The following GRM3 variants were observed in gnomAD, a reference collection of about 807,000 sequenced individuals.
GRM3 encodes the protein metabotropic glutamate receptor 3.
In GRM3, 26 loss-of-function variants were observed where a neutral mutation model predicts 70.5. That is an observed-to-expected ratio of 0.37 (90% CI 0.27 to 0.51). The LOEUF is 0.51. GRM3 is among the 20% of genes least tolerant of loss of function. The probability of loss-of-function intolerance (pLI) is 0.93; values close to 1 mark genes in which losing one functional copy is unlikely to be tolerated. For missense variants in GRM3, 859 were observed against 1,123.8 expected, an observed-to-expected ratio of 0.76 and a Z score of 3.37; for synonymous variants, 443 against 434.9, an observed-to-expected ratio of 1.02 and a Z score of -0.23.
chr7:86,665,994 C>A (rs1794015656), intron 1 of GRM3, among the ~76,000 whole-genome samples: 1 of 152,012 alleles, frequency 6.6e-6, no homozygotes, highest in Non-Finnish European at 1.5e-5. Flanking sequence ...TTCTTACCCT[C>A]TAATCATTTT....
At chr7:86,707,428 G>A (rs980234661) in intron 1 of GRM3, among the ~76,000 whole-genome samples, 3 of 152,180 alleles carry the variant, frequency 2.0e-5, no homozygotes, top group Middle Eastern at 3.4e-3. Context: ...GACAGAGAGT[G>A]TGGACTGTGG....
At chr7:86,708,405 G>A (rs1795108583) in intron 1 of GRM3, among the ~76,000 whole-genome samples, 1 of 152,220 alleles carries the variant, frequency 6.6e-6, no homozygotes, top group Non-Finnish European at 1.5e-5. Context: ...GAAGGCAGAT[G>A]AGAAGCAGCA....
chr7:86,666,785 T>C (rs1319170937), intron 1 of GRM3, among the ~76,000 whole-genome samples: 2 of 152,088 alleles, frequency 1.3e-5, no homozygotes, highest in Non-Finnish European at 2.9e-5. Context: ...AGGAAACTAA[T>C]TCGAGATGCA....
At chr7:86,819,073 G>A (rs774448410) in intron 3 of GRM3, among the ~76,000 whole-genome samples, 3 of 151,982 alleles carry the variant, frequency 2.0e-5, no homozygotes, top group Admixed American at 6.6e-5. Context: ...GTATCCCCAC[G>A]GAGTCCTGAC....
chr7:86,747,050 T>C (rs1232836351), intron 1 of GRM3, among the ~76,000 whole-genome samples: 4 of 152,120 alleles, frequency 2.6e-5, no homozygotes, highest in Non-Finnish European at 5.9e-5. Flanking sequence ...GGCTATTCAC[T>C]GCTCTAAGCA....
chr7:86,795,409 A>C (rs1454254872), intron 3 of GRM3, among the ~76,000 whole-genome samples: 1 of 151,886 alleles, frequency 6.6e-6, no homozygotes, highest in Non-Finnish European at 1.5e-5. Flanking sequence ...CGCATCATCT[A>C]GGTATTAAGC....
chr7:86,694,514 A>G (rs2116050352), intron 1 of GRM3, among the ~76,000 whole-genome samples: 1 of 138,782 alleles, frequency 7.2e-6, no homozygotes, highest in South Asian at 2.4e-4. Context: ...TCTGTCTCAA[A>G]AAAAAAAAAA....
At chr7:86,806,233 G>A (rs1002353408) in intron 3 of GRM3, among the ~76,000 whole-genome samples, 2 of 152,144 alleles carry the variant, frequency 1.3e-5, no homozygotes, top group African/African-American at 2.4e-5. Flanking sequence ...CTATATTGCA[G>A]CATGATTTAT....
intron 4 of GRM3, among the ~76,000 whole-genome samples, chr7:86,844,872 T>C (rs184159789): frequency 6.6e-6 from 1 of 152,134 alleles, no homozygotes; most frequent in Non-Finnish European, 1.5e-5. Context: ...AACACTTCTG[T>C]ACATTCCTTG....
intron 1 of GRM3, among the ~76,000 whole-genome samples, chr7:86,650,312 C>T (rs1180939040): frequency 6.6e-6 from 1 of 151,888 alleles, no homozygotes. Flanking sequence ...TATTCTAAGA[C>T]CTATTTTCTT....
intron 3 of GRM3, among the ~76,000 whole-genome samples, chr7:86,829,305 C>A (rs992237475): frequency 3.3e-5 from 5 of 152,212 alleles, no homozygotes; most frequent in Non-Finnish European, 2.9e-5. Context: ...TCTATCCAGA[C>A]AAGTAAAACT....
At chr7:86,813,102 C>A (rs1231801200) in intron 3 of GRM3, among the ~76,000 whole-genome samples, 2 of 151,708 alleles carry the variant, frequency 1.3e-5, no homozygotes, top group African/African-American at 4.8e-5. Flanking sequence ...TTTTAATCTT[C>A]TAATTTAAAA....
At chr7:86,672,637 T>C (rs1401234177) in intron 1 of GRM3, among the ~76,000 whole-genome samples, 1 of 152,054 alleles carries the variant, frequency 6.6e-6, no homozygotes, top group Non-Finnish European at 1.5e-5. Flanking sequence ...GCTGGCTCCC[T>C]TGTGGGGGAA....
rs1451399435 is a variant in GRM3, at chr7:86,786,170, T to A, written c.469-91T>A. On this transcript the variant is annotated intron_variant, in intron 2 of 5. Transcript: ENST00000361669. This position sits in a 1 kb window ranked among gnomAD's most constrained non-coding sequence, Gnocchi z 6.0. ...CATCTAGAGTAGAGGGAAAAGGGAG[T>A]CAGTAAAAGGTGTGGATGCTATTAT... 18 of 1,056,324 alleles carry A rather than the reference T, an allele frequency of 1.7e-5. No individual in the cohort carries two copies. Among genetic ancestry groups the A allele is most frequent in the Non-Finnish European group, 2.4e-5 (17 of 718,172 alleles). The allele number at this position is 1,056,324 out of a possible 1,614,324, so 65.4% of individuals were successfully genotyped here. A position where few individuals can be genotyped will look rare whatever the true frequency, so the allele number is the denominator to read the frequency against.
intron 2 of GRM3, among the ~76,000 whole-genome samples, chr7:86,785,685 ATTTTTTT>A (rs749456155): frequency 0.028 from 1,830 of 65,316 alleles, 133 homozygotes; most frequent in African/African-American, 0.089. Context: ...AATAGAATTG[ATTTTTTT>A]TTTTTTTTTT....
chr7:86,836,286 A>G (rs951165611), intron 3 of GRM3, among the ~76,000 whole-genome samples: 2 of 152,194 alleles, frequency 1.3e-5, no homozygotes, highest in African/African-American at 2.4e-5. Context: ...TTTTTCTTCT[A>G]TGAATTTGCT....
chr7:86,699,130 C>G (rs1794894589), intron 1 of GRM3, among the ~76,000 whole-genome samples: 1 of 151,914 alleles, frequency 6.6e-6, no homozygotes, highest in Non-Finnish European at 1.5e-5. Flanking sequence ...TTTCAGGAAC[C>G]AGACGTTTGA....
At chr7:86,717,475 TCATC>T (rs1795344804) in intron 1 of GRM3, among the ~76,000 whole-genome samples, 1 of 152,006 alleles carries the variant, frequency 6.6e-6, no homozygotes, top group Non-Finnish European at 1.5e-5. Flanking sequence ...TCACTTTCCT[TCATC>T]CATCTCTCTT....
intron 2 of GRM3, among the ~76,000 whole-genome samples, chr7:86,780,971 G>C (rs1055728497): frequency 2.0e-5 from 3 of 152,166 alleles, no homozygotes; most frequent in Admixed American, 6.5e-5. Context: ...TTACGAGCTT[G>C]GATTGCAGAA....
Sources: allele counts gnomAD v4.1 joint callset (sites outside exome capture counted in the v4.1 genomes callset), GRCh38; gene constraint gnomAD v4.1.1; non-coding constraint Gnocchi (gnomAD v3.1); transcripts MANE v1.5; gene names NCBI Gene and HGNC (gene_info 2026-07-23, HGNC 2026-07-21).